SLMAP: variants seen among roughly 807,000 people sequenced by gnomAD.
The protein encoded by SLMAP is sarcolemma associated protein.
In SLMAP, 44 loss-of-function variants were observed where a neutral mutation model predicts 128.8. The observed-to-expected ratio is 0.34, with a 90% CI of 0.27 to 0.44. The LOEUF is 0.44. Among genes scored for constraint, SLMAP ranks in the 20% least tolerant of loss-of-function variants. SLMAP has a pLI of 1.00. For synonymous variants in SLMAP, 327 were observed against 348.8 expected (o/e 0.94, Z 0.70); for missense variants, 787 against 985.3 (o/e 0.80, Z 2.69).
In SLMAP at chr3:57,879,818, C is replaced by T. The variant is rs1003932123; in HGVS notation, c.1300+8120C>T. On this transcript the variant is annotated intron_variant, in intron 14 of 24. Coordinates refer to ENST00000671191, the MANE Select transcript of SLMAP (RefSeq NM_001377540.1). ...TTAGCTGGGCATGTGTGGCGGGTGG[C>T]GGGCACCTGTAATCCCAGCTTCATG... Among the ~76,000 whole-genome samples the T allele has an allele frequency of 6.6e-5, 10 of 151,792 alleles. No individual in the cohort carries two copies. The East Asian group carries it at 9.8e-4, about 15-fold the overall frequency.
chr3:57,836,473 GTTC>G (rs2093647532), intron 3 of SLMAP, among the ~76,000 whole-genome samples: 1 of 152,140 alleles, frequency 6.6e-6, no homozygotes, highest in Non-Finnish European at 1.5e-5. Context: ...TGTCATTTCT[GTTC>G]TTAGCAATCC....
intron 14 of SLMAP, among the ~76,000 whole-genome samples, chr3:57,888,041 GTATT>G (rs1327392353): frequency 2.0e-5 from 3 of 152,160 alleles, no homozygotes; most frequent in African/African-American, 7.2e-5. Flanking sequence ...AAATCACAAA[GTATT>G]TACCTTCTGT....
At chr3:57,894,228 TG>T (rs1482581772) in intron 15 of SLMAP, among the ~76,000 whole-genome samples, 1 of 152,204 alleles carries the variant, frequency 6.6e-6, no homozygotes, top group East Asian at 1.9e-4. Context: ...TAACTAATGA[TG>T]TCTCTGTTGT....
At chr3:57,884,617 G>A (rs1039073998) in intron 14 of SLMAP, among the ~76,000 whole-genome samples, 28 of 152,118 alleles carry the variant, frequency 1.8e-4, no homozygotes, top group African/African-American at 6.3e-4. Flanking sequence ...AGACCAGCTT[G>A]GGCAACATGG....
chr3:57,860,151 C>T (rs901059825), intron 8 of SLMAP, among the ~76,000 whole-genome samples: 16 of 152,118 alleles, frequency 1.1e-4, no homozygotes, highest in African/African-American at 3.1e-4. Flanking sequence ...CAAAGTGCCA[C>T]GGCCAGCCTA....
chr3:57,762,217 A>G (rs1447291225), intron 2 of SLMAP, among the ~76,000 whole-genome samples: 4 of 151,356 alleles, frequency 2.6e-5, no homozygotes, highest in African/African-American at 9.7e-5. Flanking sequence ...AAATACAAAA[A>G]ATTAGCTGGG....
intron 2 of SLMAP, among the ~76,000 whole-genome samples, chr3:57,785,852 A>G (rs2083977618): frequency 6.6e-6 from 1 of 152,174 alleles, no homozygotes; most frequent in African/African-American, 2.4e-5. Flanking sequence ...ACCATATGTT[A>G]TTTTTGTATA....
chr3:57,869,653 T>TAATATATATATTAA (rs1560338074), intron 13 of SLMAP, among the ~76,000 whole-genome samples: 9 of 135,188 alleles, frequency 6.7e-5, no homozygotes, highest in African/African-American at 2.4e-4. Flanking sequence ...TATATATATA[T>TAATATATATATTAA]ATATATAATA....
chr3:57,857,040 A>G (rs1190661912), intron 6 of SLMAP, among the ~76,000 whole-genome samples: 1 of 152,170 alleles, frequency 6.6e-6, no homozygotes, highest in Non-Finnish European at 1.5e-5. Context: ...ACATACACAC[A>G]GTGTGTATGT....
intron 4 of SLMAP, 146 bp downstream of exon 4, chr3:57,841,517 ATAT>A (rs2093935294): frequency 1.7e-5 from 7 of 413,184 alleles, no homozygotes; most frequent in Non-Finnish European, 2.1e-5. Flanking sequence ...ACTTTTTGGA[ATAT>A]AATACACTTC....
chr3:57,765,807 C>T (rs1258071436), intron 2 of SLMAP, among the ~76,000 whole-genome samples: 1 of 152,148 alleles, frequency 6.6e-6, no homozygotes, highest in Non-Finnish European at 1.5e-5. Flanking sequence ...CTTTAAAGCA[C>T]ATGTTCATTT....
rs570446860 is a variant in SLMAP, at chr3:57,779,829, A to C, written c.198+21980A>C. Among the ~76,000 whole-genome samples, 15 of 152,236 alleles carry C rather than the reference A, an allele frequency of 9.9e-5. No individual in the cohort carries two copies. The East Asian group carries it at 2.9e-3, about 29-fold the overall frequency. ...TAATAAGTGGTAGACCTTATCATCA[A>C]ATCCAAGCAAGTCTGGCTTGAGTCT... On this transcript the variant is annotated intron_variant, in intron 2 of 24. Coordinates refer to ENST00000671191, the MANE Select transcript of SLMAP (RefSeq NM_001377540.1).
chr3:57,807,424 G>C (rs1474940150), intron 2 of SLMAP, among the ~76,000 whole-genome samples: 1 of 152,156 alleles, frequency 6.6e-6, no homozygotes, highest in Non-Finnish European at 1.5e-5. Context: ...GATATTGGCT[G>C]TGGGTTTGTC....
chr3:57,758,449 T>A (rs908714390), intron 2 of SLMAP, among the ~76,000 whole-genome samples: 1 of 152,002 alleles, frequency 6.6e-6, no homozygotes, highest in African/African-American at 2.4e-5. Context: ...ATTTTCAGAG[T>A]TTTTTTTACA....
chr3:57,853,577 G>A (rs1465603729), intron 6 of SLMAP, among the ~76,000 whole-genome samples: 3 of 151,914 alleles, frequency 2.0e-5, no homozygotes, highest in South Asian at 2.1e-4. Flanking sequence ...AAGGAGTCTC[G>A]CTTAACAGCT....
intron 2 of SLMAP, among the ~76,000 whole-genome samples, chr3:57,810,019 G>A (rs2090656961): frequency 6.6e-6 from 1 of 152,222 alleles, no homozygotes; most frequent in South Asian, 2.1e-4. Flanking sequence ...GAGAAGAGCT[G>A]CAGCCCTTCA....
chr3:57,808,060 G>A (rs917843143), intron 2 of SLMAP, among the ~76,000 whole-genome samples: 6 of 152,110 alleles, frequency 3.9e-5, no homozygotes, highest in African/African-American at 1.4e-4. Context: ...TTTGTATAGA[G>A]TTGTTTATTT....
intron 6 of SLMAP, among the ~76,000 whole-genome samples, chr3:57,855,989 G>A (rs2094766807): frequency 6.6e-6 from 1 of 151,964 alleles, no homozygotes; most frequent in African/African-American, 2.4e-5. Flanking sequence ...GTTGCAGTGA[G>A]CCAAGATCGC....
At chr3:57,914,511 T>A (rs560276119) in intron 21 of SLMAP, among the ~76,000 whole-genome samples, 4 of 152,074 alleles carry the variant, frequency 2.6e-5, no homozygotes, top group African/African-American at 9.6e-5. Context: ...AAACTATAAA[T>A]ATATGTATAT....
Sources: allele counts gnomAD v4.1 joint callset (sites outside exome capture counted in the v4.1 genomes callset), GRCh38; gene constraint gnomAD v4.1.1; transcripts MANE v1.5; gene names NCBI Gene and HGNC (gene_info 2026-07-23, HGNC 2026-07-21).